GPATCH3: variants seen among roughly 807,000 people sequenced by gnomAD.
The protein encoded by GPATCH3 is G-patch domain containing 3.
A neutral mutation model predicts 53.2 loss-of-function variants in GPATCH3; 45 were observed. That is an observed-to-expected ratio of 0.85 (90% CI 0.67 to 1.08). The LOEUF (loss-of-function observed/expected upper bound fraction) is 1.08. Among genes scored for constraint, GPATCH3 ranks in the 50% least tolerant of loss-of-function variants. The pLI, the probability that GPATCH3 is intolerant of heterozygous loss-of-function variation, is 0.00. For synonymous variants in GPATCH3, 280 were observed against 270.6 expected, an observed-to-expected ratio of 1.03 and a Z score of -0.34; for missense variants, 680 against 687.2, an observed-to-expected ratio of 0.99 and a Z score of 0.12.
At position 26,890,925 on chromosome 1, in the gene GPATCH3, C is replaced by T; in HGVS notation, c.*85G>A. The stretch of plus-strand genomic sequence containing the variant: ...GAACCAGCCACGAAGACTGCTGCTC[C>T]CAGACTCCTTTCTGCTTCAGTGGTA... On this transcript the variant is annotated 3_prime_UTR_variant, in exon 7 of 7. Coordinates refer to ENST00000361720, the MANE Select transcript of GPATCH3 (RefSeq NM_022078.3). The T allele has an allele frequency of 7.8e-7, 1 of 1,280,042 alleles. No homozygotes were observed. Among genetic ancestry groups the T allele is most frequent in the South Asian group, 1.2e-5 (1 of 83,964 alleles). The allele number at this position is 1,280,042 out of a possible 1,614,324, so 79.3% of individuals were successfully genotyped here.
At chr1:26,897,244 T>C in intron 2 of GPATCH3, 57 bp downstream of exon 2, 2 of 1,528,252 alleles carry the variant, frequency 1.3e-6, no homozygotes, top group Non-Finnish European at 1.8e-6. Context: ...GTGGTATTAT[T>C]AATGCCTTCG....
chr1:26,895,970 G>A (rs1002492582), intron 2 of GPATCH3, among the ~76,000 whole-genome samples: 2 of 152,130 alleles, frequency 1.3e-5, no homozygotes, highest in African/African-American at 2.4e-5. Flanking sequence ...CTTTTTACCC[G>A]GAGTACACAT....
chr1:26,892,896 G>T, intron 4 of GPATCH3, 105 bp from the exon 5 acceptor site: 1 of 1,367,666 alleles, frequency 7.3e-7, no homozygotes, highest in Non-Finnish European at 1.0e-6. Context: ...TTTTAATAGT[G>T]TTCTGTATCT....
In GPATCH3 at chr1:26,892,437, T is replaced by A; in HGVS notation, c.1335A>T (p.Gln445His). Residue 445 changes from glutamine to histidine, a missense_variant, in exon 6 of 7, where the codon CAA becomes CAT. Physicochemically the swap from Gln to His is conservative, Grantham distance 24 (BLOSUM62 0). Transcript: ENST00000361720. ...GVPEALDSDG[Q>H]HPRCKRGLGY... Reference sequence around the variant, plus strand: ...CCAATCCACGCTTGCATCTGGGGTGTTGGCCATCACTATCCAGGGCCTCAG... The same window carrying A: ...CCAATCCACGCTTGCATCTGGGGTGATGGCCATCACTATCCAGGGCCTCAG... The A allele has an allele frequency of 6.2e-7, 1 of 1,613,738 alleles. No homozygotes were observed.
intron 6 of GPATCH3, 66 bp from the exon 7 acceptor site, chr1:26,891,292 G>A (rs1363851440): frequency 7.9e-7 from 1 of 1,270,238 alleles, no homozygotes; most frequent in Admixed American, 1.9e-5. Context: ...GTTGGGAGAG[G>A]ACGGGGAAGT....
intron 1 of GPATCH3, among the ~76,000 whole-genome samples, chr1:26,898,148 A>C (rs2081959214): frequency 6.6e-6 from 1 of 151,918 alleles, no homozygotes; most frequent in Non-Finnish European, 1.5e-5. Flanking sequence ...TAAATAAATA[A>C]ATAATAAAAT....
At chr1:26,899,448 T>A (rs2081965050) in intron 1 of GPATCH3, among the ~76,000 whole-genome samples, 1 of 152,240 alleles carries the variant, frequency 6.6e-6, no homozygotes, top group Admixed American at 6.5e-5. Flanking sequence ...TGTCTTCCTT[T>A]GTGGATTCTG....
intron 6 of GPATCH3, among the ~76,000 whole-genome samples, chr1:26,891,862 C>T (rs959018578): frequency 3.3e-5 from 5 of 152,284 alleles, no homozygotes; most frequent in Middle Eastern, 6.8e-3. Context: ...CACCCACTAC[C>T]GTGCCCAGCT....
At chr1:26,894,192 T>C (rs1470366931) in intron 3 of GPATCH3, 44 bp downstream of exon 3, 22 of 1,585,998 alleles carry the variant, frequency 1.4e-5, no homozygotes, top group Non-Finnish European at 1.8e-5. Context: ...CCCAAAAGAA[T>C]GCAGCAGGGG....
At chr1:26,899,145 C>T (rs889720271) in intron 1 of GPATCH3, among the ~76,000 whole-genome samples, 1 of 152,238 alleles carries the variant, frequency 6.6e-6, no homozygotes, top group Non-Finnish European at 1.5e-5. Flanking sequence ...TAGTTTCTCC[C>T]TTCTCTGTCA....
At position 26,900,386 on chromosome 1, in the gene GPATCH3, ACC is replaced by A. The variant is rs1278199388; in HGVS notation, c.55_56del (p.Gly19TyrfsTer15). On this transcript the variant is annotated frameshift_variant, in exon 1 of 7. Transcript: ENST00000361720. LOFTEE classifies it high-confidence loss of function. ...EEATVYLVVS[G>X]IPSVLRSAHL... ...GGGCCGAGCGCAACACGGAGGGGAT[ACC>A]GCTCACTACCAGGTAAACTGTCGCC... 6.2e-7 allele frequency: 1 copy of A among 1,613,908 alleles called. No homozygotes were observed.
Position 26,890,917 on chromosome 1 carries a change from T to C in GPATCH3, c.*93A>G. The C allele has an allele frequency of 1.7e-6, 2 of 1,192,924 alleles. No individual in the cohort carries two copies. Among genetic ancestry groups the C allele is most frequent in the Non-Finnish European group, 2.5e-6 (2 of 797,154 alleles). 73.9% of individuals were successfully genotyped at this position (1,192,924 alleles called of 1,614,324 possible). On this transcript the variant is annotated 3_prime_UTR_variant, in exon 7 of 7. Transcript: ENST00000361720. Reference sequence around the variant, plus strand: ...AACACCCTGAACCAGCCACGAAGACTGCTGCTCCCAGACTCCTTTCTGCTT... The same window carrying C: ...AACACCCTGAACCAGCCACGAAGACCGCTGCTCCCAGACTCCTTTCTGCTT...
chr1:26,900,269 C>G lies in GPATCH3; in HGVS notation c.174G>C (p.Pro58=). The change falls in exon 1 of 7, where the codon CCG becomes CCC. Residue 58 remains proline, a synonymous_variant. Transcript: ENST00000361720. ...HYRHRPERAP[P]QAAPNSALIP... ...TTAGGGCAGAGTTAGGAGCGGCCTGCGGAGGGGCCCGCTCAGGCCGATGCC... is the reference window on the plus strand; with the variant it reads ...TTAGGGCAGAGTTAGGAGCGGCCTGGGGAGGGGCCCGCTCAGGCCGATGCC... 6.2e-7 allele frequency: 1 copy of G among 1,613,948 alleles called. No individual in the cohort carries two copies. Among genetic ancestry groups the G allele is most frequent in the Non-Finnish European group, 8.5e-7 (1 of 1,180,022 alleles).
rs774578347 is a variant in GPATCH3, at chr1:26,894,397, C to T, written c.890G>A (p.Gly297Asp). ...CGCTTCATGCCGTTCCCATTCCTCA[C>T]CCCGGTCATCGTCCTAAAAGGCAGG... ...ESHSDEDDDR[G>D]EEWERHEALH... is the part of the protein sequence containing the mutation. Residue 297 changes from glycine (G) to aspartate (D), a missense_variant, in exon 3 of 7, where the codon GGT (glycine) becomes GAT (aspartate). Gly to Asp is a moderately conservative substitution (Grantham distance 94). Transcript: ENST00000361720. 6.2e-6 allele frequency: 10 copies of T among 1,614,004 alleles called. No homozygotes were observed. The highest frequency in any genetic ancestry group is 7.6e-6 in the Non-Finnish European group (9 of 1,179,954).
In GPATCH3 at chr1:26,900,128, G is replaced by C. The variant is rs2081968835; in HGVS notation, c.315C>G (p.Val105=). 4 of 1,614,096 alleles carry C rather than the reference G, an allele frequency of 2.5e-6. No individual in the cohort carries two copies. Among genetic ancestry groups the C allele is most frequent in the Non-Finnish European group, 3.4e-6 (4 of 1,180,056 alleles). Residue 105 remains valine, a synonymous_variant, in exon 1 of 7, where the codon GTC becomes GTG. Transcript: ENST00000361720. ...CTTGAGCCAACCCCCTTACCGAGAT[G>C]ACGCAGCAGCAGGTGCGGGTCTGGA... ...TPIQTRTCCC[V]ISVRGLAQAQ...
chr1:26,892,993 A>C, intron 4 of GPATCH3: 1 of 616,376 alleles, frequency 1.6e-6, no homozygotes, highest in Non-Finnish European at 2.8e-6. Context: ...CAGAAAAGTA[A>C]CAGAGCCAAC....
At chr1:26,891,417 T>A (rs967564166) in intron 6 of GPATCH3, among the ~76,000 whole-genome samples, 191 bp from the exon 7 acceptor site, 1 of 152,010 alleles carries the variant, frequency 6.6e-6, no homozygotes, top group Admixed American at 6.6e-5. Flanking sequence ...CATATAAAAT[T>A]TTCATTCTGT....
chr1:26,893,528 G>GA, intron 3 of GPATCH3, 80 bp from the exon 4 acceptor site: 1 of 774,844 alleles, frequency 1.3e-6, no homozygotes, highest in Non-Finnish European at 2.0e-6. Context: ...AGTTTTTTTG[G>GA]CTTTTTTTTT....
At chr1:26,895,361 C>T (rs1238037864) in intron 2 of GPATCH3, among the ~76,000 whole-genome samples, 4 of 151,738 alleles carry the variant, frequency 2.6e-5, no homozygotes, top group East Asian at 1.9e-4. Context: ...CCTATCTCTA[C>T]AAAAAATACA....
Sources: gnomAD v4.1 joint callset for allele counts (sites outside exome capture counted in the v4.1 genomes callset) on GRCh38, gnomAD v4.1.1 for gene constraint, MANE v1.5 for transcripts, NCBI Gene and HGNC (gene_info 2026-07-23, HGNC 2026-07-21) for gene names.